DISP1: variants seen among roughly 807,000 people sequenced by gnomAD.
DISP1 encodes dispatched RND transporter family member 1.
DISP1 carries 30 observed loss-of-function variants against 37.3 expected under a neutral mutation model. The ratio of observed to expected loss-of-function variants is 0.80; its 90% CI spans 0.60 to 1.09. The LOEUF (loss-of-function observed/expected upper bound fraction) is 1.09. DISP1 is among the 50% of genes least tolerant of loss of function. The probability of loss-of-function intolerance (pLI) is 0.00; values close to 1 mark genes in which losing one functional copy is unlikely to be tolerated. For synonymous variants in DISP1, 634 were observed against 690.2 expected, an observed-to-expected ratio of 0.92 and a Z score of 1.28; for missense variants, 1,598 against 1,879.5, an observed-to-expected ratio of 0.85 and a Z score of 2.77.
In DISP1 at chr1:223,002,872, AAC is replaced by A. The variant is rs1236378836; in HGVS notation, c.1479_1480del (p.His493GlnfsTer80). 2 of 1,613,868 alleles carry A rather than the reference AAC, an allele frequency of 1.2e-6. No individual in the cohort carries two copies. The highest frequency in any genetic ancestry group is 2.7e-5 in the African/African-American group (2 of 74,920). On this transcript the variant is annotated frameshift_variant, in exon 9 of 9. Coordinates refer to ENST00000675850, the MANE Select transcript of DISP1 (RefSeq NM_001377229.1). LOFTEE classifies it low-confidence loss of function (END_TRUNC). ...ATCACCGGGATTGAGTTTGGTATCAAACACAGTTTGTTTCAGGATTATCTTCT... is the reference window on the plus strand; with the variant it reads ...ATCACCGGGATTGAGTTTGGTATCAAACAGTTTGTTTCAGGATTATCTTCT...
At chr1:222,943,731 T>TA (rs1674552904) in intron 3 of DISP1, among the ~76,000 whole-genome samples, 1 of 152,034 alleles carries the variant, frequency 6.6e-6, no homozygotes, top group African/African-American at 2.4e-5. Flanking sequence ...GAAAAAGAAG[T>TA]AAAAAACCCC....
At chr1:222,828,962 G>T (rs61839590) in intron 1 of DISP1, among the ~76,000 whole-genome samples, 9,879 of 152,174 alleles carry the variant, frequency 0.065, 408 homozygotes, top group Non-Finnish European at 0.087. Context: ...GAACATGTGG[G>T]CTGGGGGATG....
intron 1 of DISP1, among the ~76,000 whole-genome samples, chr1:222,902,475 G>T (rs1235361972): frequency 2.0e-5 from 3 of 152,168 alleles, no homozygotes; most frequent in Non-Finnish European, 4.4e-5. Flanking sequence ...AAACTAAACA[G>T]CTTCTGCACA....
rs1281190314 is a variant in DISP1, at chr1:222,990,697, C to T, written c.612C>T (p.Ala204=). 2 of 1,614,000 alleles carry T rather than the reference C, an allele frequency of 1.2e-6. No homozygotes were observed. The highest frequency in any genetic ancestry group is 4.5e-5 in the East Asian group (2 of 44,890). The change falls in exon 5 of 9, where the codon GCC becomes GCT. Residue 204 remains alanine, a synonymous_variant. Transcript: ENST00000675850. ...GMCTMFIVVC[A]LVGVLVPELP... ...GCACCATGTTCATCGTAGTCTGTGC[C>T]TTGGTTGGAGTATTAGTGCCAGAGC...
At chr1:222,824,036 C>G (rs1194936873) in intron 1 of DISP1, 1 of 151,982 alleles carries the variant, frequency 6.6e-6, no homozygotes, top group Non-Finnish European at 1.5e-5. Context: ...ACTCTGATGA[C>G]ATATTATATG....
intron 2 of DISP1, among the ~76,000 whole-genome samples, chr1:222,939,354 AATT>A (rs1301974389): frequency 2.2e-5 from 3 of 134,586 alleles, no homozygotes; most frequent in Non-Finnish European, 3.1e-5. Context: ...GAAGAAAAAT[AATT>A]TTTTTTTTTT....
chr1:222,914,002 G>T lies in DISP1; in HGVS notation c.-158-14428G>T, dbSNP rs932772415. On this transcript the variant is annotated intron_variant, in intron 1 of 8. Coordinates refer to ENST00000675850, the MANE Select transcript of DISP1 (RefSeq NM_001377229.1). The stretch of plus-strand genomic sequence containing the variant: ...TACTGTTATATGTGTTTTTTTGGTT[G>T]TTTTTTTTTTTTTTTTAACCCAAGC... 3.0e-3 allele frequency among the ~76,000 whole-genome samples: 386 copies of T among 128,648 alleles called. 2 individuals carry two copies. The highest frequency in any genetic ancestry group is 7.3e-3 in the African/African-American group (265 of 36,168). The allele number at this position is 128,648 out of a possible 152,430, so 84.4% of individuals were successfully genotyped here.
chr1:222,999,694 G>A (rs902051713), intron 8 of DISP1, among the ~76,000 whole-genome samples: 8 of 152,122 alleles, frequency 5.3e-5, no homozygotes, highest in African/African-American at 1.7e-4. Context: ...ATTTGCTTTT[G>A]AATGGATGAA....
At chr1:222,838,582 C>T (rs892216738) in intron 1 of DISP1, among the ~76,000 whole-genome samples, 1 of 151,750 alleles carries the variant, frequency 6.6e-6, no homozygotes, top group Non-Finnish European at 1.5e-5. Flanking sequence ...CTAGCCTGGG[C>T]AACATAGTGA....
intron 3 of DISP1, chr1:222,943,547 T>G: frequency 1.6e-6 from 1 of 621,458 alleles, no homozygotes; most frequent in Non-Finnish European, 2.8e-6. Flanking sequence ...AAATCCTCCC[T>G]TCCCCTTTCC....
At chr1:222,914,034 A>G (rs2125428054) in intron 1 of DISP1, among the ~76,000 whole-genome samples, 1 of 144,504 alleles carries the variant, frequency 6.9e-6, no homozygotes, top group South Asian at 2.2e-4. Context: ...AAGCTTACAT[A>G]GGTTTTCTCT....
intron 1 of DISP1, among the ~76,000 whole-genome samples, chr1:222,840,766 G>A (rs904054113): frequency 2.0e-5 from 3 of 151,740 alleles, no homozygotes; most frequent in Non-Finnish European, 4.4e-5. Context: ...GTTTCACAGT[G>A]TTAGCTAGGA....
At chr1:222,961,464 G>A (rs1676049135) in intron 3 of DISP1, among the ~76,000 whole-genome samples, 3 of 152,214 alleles carry the variant, frequency 2.0e-5, no homozygotes, top group East Asian at 1.9e-4. Context: ...TTGATGGAAC[G>A]TATCTCAGAA....
intron 3 of DISP1, among the ~76,000 whole-genome samples, chr1:222,969,484 T>C (rs1469509800): frequency 1.3e-5 from 2 of 151,466 alleles, no homozygotes; most frequent in Admixed American, 1.3e-4. Context: ...TTTGCCACAA[T>C]TGGGGATGTT....
intron 1 of DISP1, among the ~76,000 whole-genome samples, chr1:222,846,370 A>G (rs1357322612): frequency 1.3e-5 from 2 of 152,248 alleles, no homozygotes. Context: ...GCATGCCTGT[A>G]ATCCCAGGTA....
intron 3 of DISP1, among the ~76,000 whole-genome samples, chr1:222,948,225 A>G (rs1674937967): frequency 6.6e-6 from 1 of 152,224 alleles, no homozygotes; most frequent in Non-Finnish European, 1.5e-5. Context: ...TGAGTAATAC[A>G]TGACAATGCA....
At chr1:222,997,148 A>G (rs1558077804) in intron 8 of DISP1, among the ~76,000 whole-genome samples, 1 of 151,678 alleles carries the variant, frequency 6.6e-6, no homozygotes, top group South Asian at 2.1e-4. Flanking sequence ...AGAAAAGCAT[A>G]TGCAAAGGAT....
In DISP1 at chr1:222,948,402, T is replaced by C. The variant is rs575502669; in HGVS notation, c.509+5070T>C. Among the ~76,000 whole-genome samples the C allele has an allele frequency of 7.2e-5, 11 of 152,354 alleles. No homozygotes were observed. The South Asian group carries it at 2.3e-3, about 32-fold the overall frequency. On this transcript the variant is annotated intron_variant, in intron 3 of 8. Coordinates refer to ENST00000675850, the MANE Select transcript of DISP1 (RefSeq NM_001377229.1). ...AATATCCACAGAAGCAAATGTGCTC[T>C]TCGATAGAGCTGCTATCTATGTATG...
intron 3 of DISP1, among the ~76,000 whole-genome samples, chr1:222,944,936 G>A (rs1044205626): frequency 6.6e-6 from 1 of 152,154 alleles, no homozygotes; most frequent in Admixed American, 6.5e-5. Flanking sequence ...CCAACACTTC[G>A]GGAGGTTGAG....
Sources: gnomAD v4.1 joint callset for allele counts (sites outside exome capture counted in the v4.1 genomes callset) on GRCh38, gnomAD v4.1.1 for gene constraint, MANE v1.5 for transcripts, NCBI Gene and HGNC (gene_info 2026-07-23, HGNC 2026-07-21) for gene names.